The following PTPRG variants were observed in gnomAD, a reference collection of about 807,000 sequenced individuals.
The protein encoded by PTPRG is protein tyrosine phosphatase receptor type G, also known as receptor-type tyrosine-protein phosphatase gamma.
In PTPRG, 102 loss-of-function variants were observed where a neutral mutation model predicts 165.3. That is an observed-to-expected ratio of 0.62 (90% CI 0.53 to 0.73). The LOEUF (loss-of-function observed/expected upper bound fraction) is 0.73. Among genes scored for constraint, PTPRG ranks in the 30% least tolerant of loss-of-function variants. The probability of loss-of-function intolerance (pLI) is 0.00; values close to 1 mark genes in which losing one functional copy is unlikely to be tolerated. For synonymous variants in PTPRG, 675 were observed against 669.5 expected (o/e 1.01, Z -0.13); for missense variants, 1,866 against 1,861.4 (o/e 1.00, Z -0.05).
chr3:61,764,422 A>G (rs1258597834), intron 2 of PTPRG, among the ~76,000 whole-genome samples: 1 of 152,240 alleles, frequency 6.6e-6, no homozygotes. Context: ...AGAACAAAAC[A>G]TACACAGTTC....
chr3:62,265,640 T>G (rs2148863811), intron 17 of PTPRG, among the ~76,000 whole-genome samples: 2 of 152,208 alleles, frequency 1.3e-5, no homozygotes. Flanking sequence ...AATGAACTGG[T>G]TAAAAAAGCC....
chr3:62,169,370 T>G (rs962021717), intron 8 of PTPRG, among the ~76,000 whole-genome samples: 3 of 152,156 alleles, frequency 2.0e-5, no homozygotes, highest in African/African-American at 7.2e-5. Flanking sequence ...TCACCCCTAC[T>G]GGAAATCACT....
intron 3 of PTPRG, among the ~76,000 whole-genome samples, chr3:61,992,143 G>T (rs2040908326): frequency 6.6e-6 from 1 of 152,156 alleles, no homozygotes; most frequent in African/African-American, 2.4e-5. Context: ...CATAATATTA[G>T]ATAGGCCAAT....
In PTPRG at chr3:61,983,305, G is replaced by A. The variant is rs73839622; in HGVS notation, c.191-6320G>A. The stretch of plus-strand genomic sequence containing the variant: ...AATTTAAACCTGTGTATTCGATTTC[G>A]GATAAAAAGCATTAATTATAATAGG... On this transcript the variant is annotated intron_variant, in intron 2 of 29. Coordinates refer to ENST00000474889, the MANE Select transcript of PTPRG (RefSeq NM_002841.4). 8.3e-3 allele frequency among the ~76,000 whole-genome samples: 1,255 copies of A among 152,046 alleles called. 14 individuals carry two copies. The highest frequency in any genetic ancestry group is 0.028 in the African/African-American group (1,146 of 41,484).
intron 1 of PTPRG, among the ~76,000 whole-genome samples, chr3:61,696,602 C>A (rs2030613022): frequency 6.6e-6 from 1 of 152,228 alleles, no homozygotes; most frequent in Admixed American, 6.5e-5. Context: ...TGATGGACTA[C>A]ATGAATACAC....
chr3:62,150,039 C>T (rs550862482), intron 6 of PTPRG, among the ~76,000 whole-genome samples: 8 of 152,204 alleles, frequency 5.3e-5, no homozygotes, highest in Admixed American at 1.3e-4. Context: ...TCCTCACTGC[C>T]TTCAGGCTTT....
At chr3:61,600,182 A>ATGTGTGTGTGTGTG (rs1559518876) in intron 1 of PTPRG, among the ~76,000 whole-genome samples, 7 of 97,160 alleles carry the variant, frequency 7.2e-5, no homozygotes, top group African/African-American at 2.2e-4. Flanking sequence ...AAATATATAT[A>ATGTGTGTGTGTGTG]TATATATATA....
chr3:61,929,373 C>T (rs765572000), intron 2 of PTPRG, among the ~76,000 whole-genome samples: 2 of 151,988 alleles, frequency 1.3e-5, no homozygotes, highest in African/African-American at 4.8e-5. Context: ...TTTACCAGAT[C>T]GAGCGTTTCT....
Position 62,153,278 on chromosome 3 carries a change from C to T in PTPRG, c.683-3789C>T, listed in dbSNP as rs76341908. The stretch of plus-strand genomic sequence containing the variant: ...GCTTGCCTTGATAAATCTGGGCTTA[C>T]ACTGGGCCAGGAACTATACCAAGCC... On this transcript the variant is annotated intron_variant, in intron 6 of 29. Coordinates refer to ENST00000474889, the MANE Select transcript of PTPRG (RefSeq NM_002841.4). Among the ~76,000 whole-genome samples, 1,492 of 152,334 alleles carry T rather than the reference C, an allele frequency of 9.8e-3. 19 individuals are homozygous for T. The highest frequency in any genetic ancestry group is 0.021 in the South Asian group (101 of 4,830).
At chr3:61,715,261 G>T (rs964574647) in intron 1 of PTPRG, among the ~76,000 whole-genome samples, 1 of 151,206 alleles carries the variant, frequency 6.6e-6, no homozygotes, top group Non-Finnish European at 1.5e-5. Context: ...TCTTTTTCCA[G>T]GCTGGAGTGT....
intron 9 of PTPRG, among the ~76,000 whole-genome samples, chr3:62,191,947 G>A (rs763570471): frequency 3.9e-5 from 6 of 152,172 alleles, no homozygotes; most frequent in Non-Finnish European, 8.8e-5. Context: ...ATTATTAACA[G>A]CCTCAATTAG....
At chr3:61,946,356 GA>G (rs2039760988) in intron 2 of PTPRG, among the ~76,000 whole-genome samples, 2 of 152,226 alleles carry the variant, frequency 1.3e-5, no homozygotes, top group South Asian at 4.1e-4. Context: ...CCATGCCTGT[GA>G]GGTTTGAAGC....
intron 1 of PTPRG, among the ~76,000 whole-genome samples, chr3:61,604,121 C>T (rs1012320903): frequency 6.6e-5 from 10 of 152,162 alleles, no homozygotes; most frequent in African/African-American, 2.4e-4. Flanking sequence ...GCTAGGAGTA[C>T]AAGACCTGTC....
intron 8 of PTPRG, among the ~76,000 whole-genome samples, chr3:62,191,232 G>A (rs1166181156): frequency 2.0e-5 from 3 of 151,466 alleles, no homozygotes; most frequent in African/African-American, 7.3e-5. Flanking sequence ...GTGTGCATCT[G>A]TGTCCCTTGC....
intron 4 of PTPRG, among the ~76,000 whole-genome samples, chr3:62,058,948 A>T (rs948913846): frequency 1.3e-4 from 20 of 152,132 alleles, no homozygotes; most frequent in African/African-American, 4.3e-4. Context: ...CCAGAAGGAG[A>T]TGGGGACTCT....
In PTPRG at chr3:62,191,620, G is replaced by C. The variant is rs1699822815; in HGVS notation, c.1185G>C (p.Glu395Asp). Reference sequence around the variant, plus strand: ...GGACCAAGAATGAGGACGAGAAGGAGAAGACGTTTACAAAGGACAGCGACA... The same window carrying C: ...GGACCAAGAATGAGGACGAGAAGGACAAGACGTTTACAAAGGACAGCGACA... ...YSWTKNEDEK[E>D]KTFTKDSDKD... Residue 395 changes from glutamate (E) to aspartate (D), a missense_variant, in exon 9 of 30, where the codon GAG becomes GAC. Glu to Asp is a conservative substitution (Grantham distance 45). Transcript: ENST00000474889. 6.2e-7 allele frequency: 1 copy of C among 1,614,098 alleles called. No homozygotes were observed. The highest frequency in any genetic ancestry group is 1.3e-5 in the African/African-American group (1 of 74,938).
chr3:62,026,002 G>C (rs1268147529), intron 4 of PTPRG, among the ~76,000 whole-genome samples: 2 of 152,164 alleles, frequency 1.3e-5, no homozygotes, highest in African/African-American at 4.8e-5. Flanking sequence ...TTTCAATAAA[G>C]GGTATGTTAT....
At chr3:61,641,449 T>C (rs1298473839) in intron 1 of PTPRG, among the ~76,000 whole-genome samples, 1 of 152,248 alleles carries the variant, frequency 6.6e-6, no homozygotes, top group East Asian at 1.9e-4. Flanking sequence ...TTTATTAACT[T>C]GGGGGAGAGA....
rs142228395 is a variant in PTPRG at position 61,567,383 on chromosome 3, G to T, written c.85+5011G>T. On this transcript the variant is annotated intron_variant, in intron 1 of 29. Transcript: ENST00000474889. ...CCAGAATGAGGTTGCCTGTGCAAAT[G>T]ATTAAAAGATAAAACTGGGCACTGT... Among the ~76,000 whole-genome samples the T allele has an allele frequency of 3.9e-3, 600 of 152,238 alleles. 7 individuals are homozygous for T. Among genetic ancestry groups the T allele is most frequent in the South Asian group, 0.028 (137 of 4,822 alleles).
Sources: allele counts gnomAD v4.1 joint callset (sites outside exome capture counted in the v4.1 genomes callset), GRCh38; gene constraint gnomAD v4.1.1; transcripts MANE v1.5; gene names NCBI Gene and HGNC (gene_info 2026-07-23, HGNC 2026-07-21).